CDH12: variants seen among roughly 807,000 people sequenced by gnomAD.
The protein encoded by CDH12 is cadherin 12, also known as cadherin-12.
CDH12 carries 41 observed loss-of-function variants against 74.1 expected under a neutral mutation model. The observed-to-expected ratio is 0.55, with a 90% CI of 0.43 to 0.72. The LOEUF (loss-of-function observed/expected upper bound fraction) is 0.72, where lower values mean the gene tolerates loss of function less well. CDH12 is among the 30% of genes least tolerant of loss of function. The probability of loss-of-function intolerance (pLI) is 0.00; values close to 1 mark genes in which losing one functional copy is unlikely to be tolerated. For synonymous variants in CDH12, 399 were observed against 355.0 expected (o/e 1.12, Z -1.39); for missense variants, 945 against 977.2 (o/e 0.97, Z 0.44).
intron 1 of CDH12, among the ~76,000 whole-genome samples, chr5:22,704,531 T>G (rs1487403): frequency 0.63 from 95,636 of 151,902 alleles, 30,345 homozygotes; most frequent in Admixed American, 0.71. Context: ...AACTGGGAAA[T>G]AGTAAACTTT....
intron 3 of CDH12, among the ~76,000 whole-genome samples, chr5:22,358,425 A>G (rs1407054795): frequency 2.6e-5 from 4 of 152,152 alleles, no homozygotes; most frequent in Non-Finnish European, 4.4e-5. Flanking sequence ...AGAAAAAAAA[A>G]AGAAATGCTA....
chr5:22,798,918 C>A (rs1232992816), intron 1 of CDH12, among the ~76,000 whole-genome samples: 2 of 152,000 alleles, frequency 1.3e-5, no homozygotes, highest in Non-Finnish European at 2.9e-5. Context: ...AGTTTGAGAT[C>A]AGCCTGGCCA....
At chr5:21,806,556 G>A (rs553495720) in intron 9 of CDH12, among the ~76,000 whole-genome samples, 4 of 152,234 alleles carry the variant, frequency 2.6e-5, no homozygotes, top group Admixed American at 1.3e-4. Context: ...ACCTTGAGAT[G>A]GTGATTAGAT....
chr5:22,661,022 C>A (rs1196051294), intron 1 of CDH12, among the ~76,000 whole-genome samples: 1 of 152,142 alleles, frequency 6.6e-6, no homozygotes, highest in East Asian at 1.9e-4. Flanking sequence ...TTTCTAAATT[C>A]TTTGTAATTA....
At chr5:22,808,863 T>C (rs1748965234) in intron 1 of CDH12, among the ~76,000 whole-genome samples, 1 of 146,000 alleles carries the variant, frequency 6.8e-6, no homozygotes, top group Non-Finnish European at 1.5e-5. Context: ...TGCCTCAGCC[T>C]CCTGAAGTGC....
chr5:22,301,649 C>T (rs936689920), intron 3 of CDH12, among the ~76,000 whole-genome samples: 7 of 150,962 alleles, frequency 4.6e-5, no homozygotes, highest in Non-Finnish European at 7.4e-5. Context: ...ATTTTTTTTT[C>T]AAGACAGGGT....
intron 4 of CDH12, among the ~76,000 whole-genome samples, chr5:22,161,082 A>G (rs565455995): frequency 3.3e-5 from 5 of 152,252 alleles, no homozygotes; most frequent in African/African-American, 7.2e-5. Context: ...CTTTCATTCC[A>G]TAATTTAAGG....
In CDH12 at chr5:21,957,292, C is replaced by T. The variant is rs147792316; in HGVS notation, c.526+17799G>A. The stretch of plus-strand genomic sequence containing the variant: ...ATAGCTCCATGGTGTCTATATACCA[C>T]ATTTTCTTTATCTAAACTCTTATTG... On this transcript the variant is annotated intron_variant, in intron 6 of 14. Transcript: ENST00000382254. Among the ~76,000 whole-genome samples, 536 of 152,238 alleles carry T rather than the reference C, an allele frequency of 3.5e-3. 4 individuals carry two copies. Among genetic ancestry groups the T allele is most frequent in the African/African-American group, 0.012 (501 of 41,552 alleles).
intron 1 of CDH12, among the ~76,000 whole-genome samples, chr5:22,571,083 C>T (rs1739518176): frequency 6.6e-6 from 1 of 152,166 alleles, no homozygotes; most frequent in Non-Finnish European, 1.5e-5. Flanking sequence ...GAGCCTTTCT[C>T]TGGATTAGGG....
intron 3 of CDH12, among the ~76,000 whole-genome samples, chr5:22,318,639 C>G (rs1230689300): frequency 1.3e-5 from 2 of 152,218 alleles, no homozygotes; most frequent in Non-Finnish European, 2.9e-5. Context: ...CCATTGCCTT[C>G]TCAGCCCTCA....
intron 5 of CDH12, among the ~76,000 whole-genome samples, chr5:21,983,520 C>T (rs563344249): frequency 6.6e-6 from 1 of 152,180 alleles, no homozygotes; most frequent in African/African-American, 2.4e-5. Context: ...TGAACATTGC[C>T]TCCAGGTGCG....
intron 3 of CDH12, among the ~76,000 whole-genome samples, chr5:22,226,853 G>C (rs1752211748): frequency 6.6e-6 from 1 of 151,988 alleles, no homozygotes; most frequent in Non-Finnish European, 1.5e-5. Flanking sequence ...ATGCCACAAA[G>C]GGCCTTAATC....
intron 1 of CDH12, among the ~76,000 whole-genome samples, chr5:22,716,620 A>T (rs1275347137): frequency 6.6e-6 from 1 of 151,898 alleles, no homozygotes; most frequent in African/African-American, 2.4e-5. Context: ...TTAAAAAAAA[A>T]AAAACAAAAA....
chr5:21,971,579 AG>A (rs1756855669), intron 6 of CDH12, among the ~76,000 whole-genome samples: 1 of 152,136 alleles, frequency 6.6e-6, no homozygotes, highest in Non-Finnish European at 1.5e-5. Flanking sequence ...TAGCTCAAGC[AG>A]GGGAAGATAA....
intron 1 of CDH12, among the ~76,000 whole-genome samples, chr5:22,787,814 T>A (rs1275605603): frequency 6.6e-6 from 1 of 152,028 alleles, no homozygotes; most frequent in Non-Finnish European, 1.5e-5. Flanking sequence ...GAGTCATCAG[T>A]CTTTGTCTTA....
intron 4 of CDH12, among the ~76,000 whole-genome samples, chr5:22,079,179 G>A (rs1299666065): frequency 6.6e-6 from 1 of 152,174 alleles, no homozygotes; most frequent in Admixed American, 6.6e-5. Flanking sequence ...TTAAGTTAGA[G>A]TAGGATCTTG....
chr5:22,801,147 C>T (rs1276005938), intron 1 of CDH12, among the ~76,000 whole-genome samples: 4 of 152,158 alleles, frequency 2.6e-5, no homozygotes, highest in African/African-American at 4.8e-5. Context: ...TATACCATTT[C>T]GCATTACCTC....
intron 4 of CDH12, among the ~76,000 whole-genome samples, chr5:22,164,994 C>T (rs1413808126): frequency 6.9e-5 from 10 of 145,622 alleles, no homozygotes; most frequent in Middle Eastern, 3.4e-3. Flanking sequence ...CACTGCCTTG[C>T]GAAAGGGAAT....
chr5:21,870,261 A>G (rs543674670), intron 6 of CDH12, among the ~76,000 whole-genome samples: 1 of 152,168 alleles, frequency 6.6e-6, no homozygotes, highest in African/African-American at 2.4e-5. Context: ...ATACACCTAG[A>G]GAATTGGGAA....
Sources: allele counts gnomAD v4.1 joint callset (sites outside exome capture counted in the v4.1 genomes callset), GRCh38; gene constraint gnomAD v4.1.1; transcripts MANE v1.5; gene names NCBI Gene and HGNC (gene_info 2026-07-23, HGNC 2026-07-21).